Variants in CCDC68 observed in about 807,000 individuals in gnomAD.
The protein encoded by CCDC68 is coiled-coil domain-containing protein 68.
CCDC68 carries 45 observed loss-of-function variants against 47.1 expected under a neutral mutation model. The ratio of observed to expected loss-of-function variants is 0.96; its 90% CI spans 0.75 to 1.23. The LOEUF is 1.23. Among genes scored for constraint, CCDC68 ranks in the 50% most tolerant of loss-of-function variants. The pLI is 0.00. For synonymous variants in CCDC68, 131 were observed against 129.5 expected (o/e 1.01, Z -0.08); for missense variants, 353 against 373.6 (o/e 0.94, Z 0.45).
intron 10 of CCDC68, among the ~76,000 whole-genome samples, chr18:54,914,994 A>T (rs2043920848): frequency 6.6e-6 from 1 of 152,200 alleles, no homozygotes; most frequent in Admixed American, 6.5e-5. Flanking sequence ...AAGAACACAA[A>T]ATTGAATTAG....
chr18:54,904,139 C>G lies in CCDC68; in HGVS notation c.*219G>C. ...TCTGTCTTCCATCATGAGAAGGCACCTGGTTTCTTCAACTATTTGGTAAGT... is the reference window on the plus strand; with the variant it reads ...TCTGTCTTCCATCATGAGAAGGCACGTGGTTTCTTCAACTATTTGGTAAGT... On this transcript the variant is annotated 3_prime_UTR_variant, in exon 12 of 12. Coordinates refer to ENST00000591504, the MANE Select transcript of CCDC68 (RefSeq NM_025214.3). 2.6e-6 allele frequency: 1 copy of G among 378,004 alleles called. No homozygotes were observed. The highest frequency in any genetic ancestry group is 4.7e-6 in the Non-Finnish European group (1 of 210,542). The allele number at this position is 378,004 out of a possible 1,614,324, so 23.4% of individuals were successfully genotyped here.
chr18:54,950,434 T>C (rs147361576), intron 1 of CCDC68, among the ~76,000 whole-genome samples: 3,024 of 149,952 alleles, frequency 0.02, 48 homozygotes, highest in Middle Eastern at 0.054. Context: ...GTCAGCTGGC[T>C]AAATCTCAGG....
rs531468737 is a variant in CCDC68, at chr18:54,904,335, A to G, written c.*23T>C. On this transcript the variant is annotated 3_prime_UTR_variant, in exon 12 of 12. Coordinates refer to ENST00000591504, the MANE Select transcript of CCDC68 (RefSeq NM_025214.3). ...AAATAAGACTCACGCAGTCTTTCTA[A>G]ATCAGATCTTCATCCAGCCAGTTCA... 157 of 1,592,552 alleles carry G rather than the reference A, an allele frequency of 9.9e-5. 3 individuals are homozygous for G. The South Asian group carries it at 1.7e-3, about 17-fold the overall frequency.
chr18:54,911,057 T>C (rs1243109762), intron 10 of CCDC68, among the ~76,000 whole-genome samples: 1 of 152,206 alleles, frequency 6.6e-6, no homozygotes, highest in Admixed American at 6.5e-5. Context: ...GCCTCCCTGC[T>C]GCAGCCAGTG....
At chr18:54,935,286 AC>A (rs2044325621) in intron 6 of CCDC68, among the ~76,000 whole-genome samples, 2 of 152,222 alleles carry the variant, frequency 1.3e-5, no homozygotes, top group South Asian at 4.1e-4. Flanking sequence ...AACAAAAAAA[AC>A]CTTACATGTT....
chr18:54,936,227 T>C (rs935739936), intron 6 of CCDC68, among the ~76,000 whole-genome samples: 1 of 128,632 alleles, frequency 7.8e-6, no homozygotes, highest in Non-Finnish European at 1.6e-5. Flanking sequence ...TATATCTATA[T>C]ATTTTTAAAA....
At chr18:54,923,759 T>A (rs935760356) in intron 8 of CCDC68, among the ~76,000 whole-genome samples, 8 of 151,954 alleles carry the variant, frequency 5.3e-5, no homozygotes, top group African/African-American at 1.9e-4. Flanking sequence ...TCACCCAGCC[T>A]GAAGTGCAAT....
chr18:54,930,695 C>T (rs933185299), intron 7 of CCDC68, among the ~76,000 whole-genome samples: 34 of 73,866 alleles, frequency 4.6e-4, no homozygotes, highest in Non-Finnish European at 6.5e-4. Flanking sequence ...TCCCTCCCTC[C>T]CTCTCTCTCT....
intron 8 of CCDC68, among the ~76,000 whole-genome samples, chr18:54,922,852 G>C (rs143653835): frequency 1.2e-4 from 18 of 152,068 alleles, no homozygotes; most frequent in Admixed American, 9.8e-4. Context: ...GCCGGGCATG[G>C]TGGCATGCGC....
chr18:54,952,435 A>T (rs758906398), intron 1 of CCDC68, among the ~76,000 whole-genome samples: 3 of 152,224 alleles, frequency 2.0e-5, no homozygotes, highest in Non-Finnish European at 4.4e-5. Flanking sequence ...ATTATCCAGC[A>T]AGGGGAAAAA....
At chr18:54,912,735 C>T (rs781340377) in intron 10 of CCDC68, among the ~76,000 whole-genome samples, 4 of 152,114 alleles carry the variant, frequency 2.6e-5, no homozygotes, top group South Asian at 4.1e-4. Context: ...AAAGGAAAGA[C>T]GTTTAATGGA....
chr18:54,909,406 G>C (rs1187216532), intron 10 of CCDC68, among the ~76,000 whole-genome samples: 1 of 143,634 alleles, frequency 7.0e-6, no homozygotes, highest in East Asian at 2.0e-4. Flanking sequence ...TTTTGAGACA[G>C]GGTCTCACTC....
At chr18:54,920,568 T>G (rs1414008066) in intron 8 of CCDC68, among the ~76,000 whole-genome samples, 1 of 152,022 alleles carries the variant, frequency 6.6e-6, no homozygotes, top group Non-Finnish European at 1.5e-5. Context: ...AAAAAAAGAG[T>G]TATTAGTTTT....
At chr18:54,915,462 G>T (rs1399218506) in intron 10 of CCDC68, among the ~76,000 whole-genome samples, 4 of 152,192 alleles carry the variant, frequency 2.6e-5, no homozygotes, top group Non-Finnish European at 5.9e-5. Context: ...TCTATAGTTA[G>T]TATGTACACA....
chr18:54,955,620 A>T (rs572693394), intron 1 of CCDC68, among the ~76,000 whole-genome samples: 3 of 152,334 alleles, frequency 2.0e-5, no homozygotes, highest in African/African-American at 7.2e-5. Context: ...TAAGAAAACA[A>T]TTCTGGCTGG....
intron 1 of CCDC68, among the ~76,000 whole-genome samples, chr18:54,959,020 C>A (rs2044758086): frequency 6.6e-6 from 1 of 152,168 alleles, no homozygotes; most frequent in East Asian, 1.9e-4. Flanking sequence ...ATCGCGGGGA[C>A]CCCTGACAAA....
intron 7 of CCDC68, among the ~76,000 whole-genome samples, chr18:54,930,680 C>CTCCTTCCT (rs1169901192): frequency 1.0e-4 from 6 of 58,330 alleles, no homozygotes; most frequent in African/African-American, 4.2e-4. Context: ...CCTTCCCTCC[C>CTCCTTCCT]TCCCTCCCTC....
chr18:54,946,113 G>GA (rs1459375789), intron 1 of CCDC68, among the ~76,000 whole-genome samples: 1 of 152,126 alleles, frequency 6.6e-6, no homozygotes, highest in African/African-American at 2.4e-5. Context: ...AAAATGGTTG[G>GA]AAAAAATCAA....
chr18:54,935,650 C>T (rs916100224), intron 6 of CCDC68, among the ~76,000 whole-genome samples: 34 of 152,296 alleles, frequency 2.2e-4, no homozygotes, highest in Middle Eastern at 3.4e-3. Context: ...GCATAGCACC[C>T]TCATCCGCTT....
Sources: gnomAD v4.1 joint callset for allele counts (sites outside exome capture counted in the v4.1 genomes callset) on GRCh38, gnomAD v4.1.1 for gene constraint, MANE v1.5 for transcripts, NCBI Gene and HGNC (gene_info 2026-07-23, HGNC 2026-07-21) for gene names.